The following ZPBP variants were observed in gnomAD, a reference collection of about 807,000 sequenced individuals.
ZPBP encodes zona pellucida-binding protein 1.
In ZPBP, 26 loss-of-function variants were observed where a neutral mutation model predicts 44.8. The observed-to-expected ratio is 0.58, with a 90% CI of 0.43 to 0.81. The LOEUF is 0.81. ZPBP is among the 30% of genes least tolerant of loss of function. ZPBP has a pLI of 0.00. For synonymous variants in ZPBP, 174 were observed against 153.2 expected (o/e 1.14, Z -1.00); for missense variants, 409 against 434.0 (o/e 0.94, Z 0.51).
At chr7:50,023,727 A>G (rs147056106) in intron 5 of ZPBP, among the ~76,000 whole-genome samples, 1 of 152,124 alleles carries the variant, frequency 6.6e-6, no homozygotes, top group Non-Finnish European at 1.5e-5. Flanking sequence ...ATAACTATGA[A>G]TAACATGCTA....
intron 3 of ZPBP, among the ~76,000 whole-genome samples, chr7:50,075,218 A>G (rs1031141805): frequency 6.6e-6 from 1 of 151,940 alleles, no homozygotes; most frequent in African/African-American, 2.4e-5. Context: ...ATTTTCATGA[A>G]ATAAATGTTA....
intron 4 of ZPBP, among the ~76,000 whole-genome samples, chr7:50,056,868 C>T (rs1305550692): frequency 3.9e-5 from 6 of 152,220 alleles, no homozygotes; most frequent in African/African-American, 1.2e-4. Context: ...CAAACTTCAC[C>T]TTTACACAAT....
At chr7:49,865,378 G>A (rs959693684) in intron 2 of ZPBP, among the ~76,000 whole-genome samples, 37 of 152,184 alleles carry the variant, frequency 2.4e-4, no homozygotes, top group Non-Finnish European at 5.9e-5. Context: ...GCTGAAAAAT[G>A]GGAGTAACAT....
chr7:49,976,421 A>T (rs1279660014), intron 7 of ZPBP, among the ~76,000 whole-genome samples: 1 of 152,128 alleles, frequency 6.6e-6, no homozygotes, highest in Non-Finnish European at 1.5e-5. Flanking sequence ...TCCATCAGGT[A>T]TAGCATTATA....
intron 2 of ZPBP, among the ~76,000 whole-genome samples, chr7:49,883,431 C>T (rs1206801629): frequency 6.6e-6 from 1 of 151,964 alleles, no homozygotes; most frequent in Non-Finnish European, 1.5e-5. Context: ...ATTATGTTCT[C>T]AAAATAAACA....
At chr7:49,911,035 A>G (rs1793387527) in intron 1 of ZPBP, among the ~76,000 whole-genome samples, 1 of 152,182 alleles carries the variant, frequency 6.6e-6, no homozygotes, top group Non-Finnish European at 1.5e-5. Context: ...TTGTTTTAAG[A>G]TATCTCTGCT....
chr7:50,059,029 T>C (rs545635109), intron 3 of ZPBP, among the ~76,000 whole-genome samples: 1 of 152,328 alleles, frequency 6.6e-6, no homozygotes, highest in East Asian at 1.9e-4. Flanking sequence ...CAATGAATGC[T>C]AAAGTACTTG....
At chr7:50,046,756 A>G (rs953587578) in intron 4 of ZPBP, among the ~76,000 whole-genome samples, 57 of 152,204 alleles carry the variant, frequency 3.7e-4, no homozygotes, top group Non-Finnish European at 7.6e-4. Flanking sequence ...AAGGATCTAG[A>G]ACCAGAAATA....
intron 2 of ZPBP, among the ~76,000 whole-genome samples, chr7:49,892,499 C>A (rs902287226): frequency 1.3e-5 from 2 of 152,158 alleles, no homozygotes; most frequent in African/African-American, 2.4e-5. Context: ...CTAAGGAGTG[C>A]AGAGATAGGC....
intron 1 of ZPBP, among the ~76,000 whole-genome samples, chr7:49,928,939 C>T (rs960376100): frequency 2.0e-5 from 3 of 152,192 alleles, no homozygotes; most frequent in Non-Finnish European, 4.4e-5. Context: ...AAGGTTCACA[C>T]ACTGTGTCCA....
At chr7:50,020,634 T>G (rs1219293240) in intron 5 of ZPBP, among the ~76,000 whole-genome samples, 1 of 152,100 alleles carries the variant, frequency 6.6e-6, no homozygotes, top group African/African-American at 2.4e-5. Context: ...ACCTAGCTTT[T>G]TGTAAGATAA....
Position 49,942,305 on chromosome 7 carries a change from T to C in ZPBP, c.962-4683A>G, listed in dbSNP as rs10237222. On this transcript the variant is annotated intron_variant, in intron 7 of 7. Transcript: ENST00000046087. ...CAGTCCCTCTGAGTCATTGGTCTTC[T>C]TTTTGTTCCCGCTTGTATTTTTCAC... 686 of 229,838 alleles carry C rather than the reference T, an allele frequency of 3.0e-3. 4 individuals are homozygous for C. The highest frequency in any genetic ancestry group is 0.015 in the African/African-American group (649 of 42,532). The allele number at this position is 229,838 out of a possible 1,614,324, so 14.2% of individuals were successfully genotyped here. A position where few individuals can be genotyped will look rare whatever the true frequency, so the allele number is the denominator to read the frequency against.
chr7:50,052,318 T>C (rs1047949544), intron 4 of ZPBP, among the ~76,000 whole-genome samples: 1 of 152,146 alleles, frequency 6.6e-6, no homozygotes, highest in Non-Finnish European at 1.5e-5. Context: ...CCTAAGAGGA[T>C]GTACAGATGG....
At chr7:49,891,553 C>T (rs1697223616) in intron 2 of ZPBP, among the ~76,000 whole-genome samples, 1 of 152,090 alleles carries the variant, frequency 6.6e-6, no homozygotes, top group African/African-American at 2.4e-5. Context: ...CAAGGAAATG[C>T]AAGTTAAAGC....
chr7:49,950,125 G>A lies in ZPBP; in HGVS notation c.962-12503C>T, dbSNP rs1279237334. On this transcript the variant is annotated intron_variant, in intron 7 of 7. Transcript: ENST00000046087. The stretch of plus-strand genomic sequence containing the variant: ...TTTCAACCAACAATAAAACAGATGT[G>A]CACCCTGATATATTCACATAATGGA... Among the ~76,000 whole-genome samples the A allele has an allele frequency of 2.0e-5, 3 of 151,766 alleles. No individual in the cohort carries two copies. The East Asian group carries it at 5.8e-4, about 29-fold the overall frequency.
At chr7:49,988,267 T>G (rs533425856) in intron 6 of ZPBP, among the ~76,000 whole-genome samples, 2 of 152,260 alleles carry the variant, frequency 1.3e-5, no homozygotes, top group South Asian at 4.2e-4. Context: ...TATCATCAAG[T>G]GTTTTAAGCC....
At chr7:50,091,727 T>C (rs1803001526) in intron 1 of ZPBP, among the ~76,000 whole-genome samples, 1 of 152,212 alleles carries the variant, frequency 6.6e-6, no homozygotes, top group African/African-American at 2.4e-5. Flanking sequence ...TTGTGAAACA[T>C]ATTCTGATAG....
chr7:49,979,191 T>G (rs766513334), intron 7 of ZPBP, among the ~76,000 whole-genome samples: 9 of 151,944 alleles, frequency 5.9e-5, no homozygotes, highest in Non-Finnish European at 1.3e-4. Flanking sequence ...TCCTCAAGAC[T>G]CAAACACAAG....
At position 50,089,662 on chromosome 7, in the gene ZPBP, A is replaced by T. The variant is rs376931737; in HGVS notation, c.175T>A (p.Ser59Thr). Reference protein sequence around the residue: ...LPRAFRLTKDSVKIVGSTSFP... With the variant: ...LPRAFRLTKDTVKIVGSTSFP... ...CTTGTTGATCCCACTATTTTCACTGAATCTTTGGTCAAGCGAAAAGCTCTT... is the reference window on the plus strand; with the variant it reads ...CTTGTTGATCCCACTATTTTCACTGTATCTTTGGTCAAGCGAAAAGCTCTT... Residue 59 changes from serine (S) to threonine (T), a missense_variant, in exon 2 of 8, where the codon TCA becomes ACA. By Grantham distance (58) the Ser-to-Thr change is moderately conservative. Transcript: ENST00000046087. The T allele has an allele frequency of 1.2e-5, 20 of 1,611,482 alleles. No homozygotes were observed. The highest frequency in any genetic ancestry group is 1.6e-5 in the Non-Finnish European group (19 of 1,178,770).
Sources: allele counts gnomAD v4.1 joint callset (sites outside exome capture counted in the v4.1 genomes callset), GRCh38; gene constraint gnomAD v4.1.1; transcripts MANE v1.5; gene names NCBI Gene and HGNC (gene_info 2026-07-23, HGNC 2026-07-21).